SSR1: variants seen among roughly 807,000 people sequenced by gnomAD.
SSR1 encodes the protein signal sequence receptor subunit 1.
SSR1 carries 13 observed loss-of-function variants against 36.1 expected under a neutral mutation model. That is an observed-to-expected ratio of 0.36 (90% CI 0.23 to 0.57). SSR1 has a LOEUF of 0.57. Among genes scored for constraint, SSR1 ranks in the 20% least tolerant of loss-of-function variants. The pLI is 0.81. For synonymous variants in SSR1, 113 were observed against 118.9 expected, an observed-to-expected ratio of 0.95 and a Z score of 0.32; for missense variants, 291 against 338.5, an observed-to-expected ratio of 0.86 and a Z score of 1.10.
chr6:7,307,801 C>G (rs57672943), intron 2 of SSR1, among the ~76,000 whole-genome samples: 1 of 152,188 alleles, frequency 6.6e-6, no homozygotes, highest in African/African-American at 2.4e-5. Context: ...GCTGGGATTA[C>G]AGGCGTGCCT....
chr6:7,281,360 C>G lies in SSR1; in HGVS notation c.*8504G>C, dbSNP rs561071020. On this transcript the variant is annotated 3_prime_UTR_variant, in exon 8 of 8. Transcript: ENST00000244763. ...AGAATTTTAAGGATTCATGACCCCA[C>G]TTTCATTAAATAGTCCCAGAAGATA... The G allele has an allele frequency of 4.6e-5, 7 of 152,346 alleles. No homozygotes were observed. The highest frequency in any genetic ancestry group is 3.3e-4 in the Admixed American group (5 of 15,302). 9.4% of individuals were successfully genotyped at this position (152,346 alleles called of 1,614,324 possible). A position where few individuals can be genotyped will look rare whatever the true frequency, so the allele number is the denominator to read the frequency against.
chr6:7,304,654 CA>C (rs1758011596), intron 2 of SSR1, among the ~76,000 whole-genome samples: 2 of 152,164 alleles, frequency 1.3e-5, no homozygotes, highest in African/African-American at 2.4e-5. Flanking sequence ...TGTATCTCAA[CA>C]AATTTTTTTA....
rs1467015735 is a variant in SSR1, at chr6:7,288,503, T to G, written c.*1361A>C. 6.6e-6 allele frequency: 1 copy of G among 152,610 alleles called. No homozygotes were observed. The allele number at this position is 152,610 out of a possible 1,614,324, so 9.5% of individuals were successfully genotyped here. On this transcript the variant is annotated 3_prime_UTR_variant, in exon 8 of 8. Transcript: ENST00000244763. ...TTTCTGTGTGTATTTCGTTTTGTTT[T>G]TTTGTCTGTGTGGGCATGAGCATAG...
chr6:7,289,956 G>C, intron 7 of SSR1, 25 bp from the exon 8 acceptor site: 1 of 1,525,406 alleles, frequency 6.6e-7, no homozygotes. Flanking sequence ...AAAGTTTTAA[G>C]CTTGCCTATT....
At chr6:7,292,064 G>A (rs1467856338) in intron 7 of SSR1, among the ~76,000 whole-genome samples, 2 of 151,998 alleles carry the variant, frequency 1.3e-5, no homozygotes, top group Non-Finnish European at 2.9e-5. Context: ...GTGAGATCCT[G>A]TCTCAAAAGA....
chr6:7,291,000 T>G lies in SSR1; in HGVS notation c.794-1069A>C, dbSNP rs559399355. 3.9e-4 allele frequency among the ~76,000 whole-genome samples: 59 copies of G among 152,112 alleles called. 1 individual carries two copies. Among genetic ancestry groups the G allele is most frequent in the African/African-American group, 1.4e-3 (57 of 41,510 alleles). On this transcript the variant is annotated intron_variant, in intron 7 of 7. Coordinates refer to ENST00000244763, the MANE Select transcript of SSR1 (RefSeq NM_003144.5). ...CCTGGGTTTAAGCGATTTTCGTGCC[T>G]CAGCCTCCCAAGTAGCTGGGATTAC... is the stretch of plus-strand genomic sequence containing the variant.
Position 7,284,076 on chromosome 6 carries a change from G to A in SSR1, c.*5788C>T, listed in dbSNP as rs1757492479. On this transcript the variant is annotated 3_prime_UTR_variant, in exon 8 of 8. Coordinates refer to ENST00000244763, the MANE Select transcript of SSR1 (RefSeq NM_003144.5). ...TTTCTGAAATGCCTCTAGGCCTTAA[G>A]CGCCTATTTCTATAAATGTTGGGTG... 3 of 152,180 alleles carry A rather than the reference G, an allele frequency of 2.0e-5. No individual in the cohort carries two copies. Among genetic ancestry groups the A allele is most frequent in the Admixed American group, 2.0e-4 (3 of 15,276 alleles). The allele number at this position is 152,180 out of a possible 1,614,324, so 9.4% of individuals were successfully genotyped here. A position where few individuals can be genotyped will look rare whatever the true frequency, so the allele number is the denominator to read the frequency against.
Position 7,289,556 on chromosome 6 carries a change from T to G in SSR1, c.*308A>C. The G allele has an allele frequency of 3.0e-6, 1 of 335,440 alleles. No homozygotes were observed. The highest frequency in any genetic ancestry group is 5.4e-6 in the Non-Finnish European group (1 of 186,104). 20.8% of individuals were successfully genotyped at this position (335,440 alleles called of 1,614,324 possible). ...GTCAAAAAGGAAGAGACAACAGCAT[T>G]ATATTTAGTATTCTAAAGACTTGTT... On this transcript the variant is annotated 3_prime_UTR_variant, in exon 8 of 8. Transcript: ENST00000244763.
chr6:7,298,613 A>G (rs1757854851), intron 5 of SSR1, 134 bp downstream of exon 5: 2 of 616,966 alleles, frequency 3.2e-6, no homozygotes, highest in Non-Finnish European at 5.7e-6. Flanking sequence ...GTATGAATGA[A>G]TATCGTAAGG....
At chr6:7,310,600 C>A (rs1245471417) in intron 1 of SSR1, among the ~76,000 whole-genome samples, 1 of 152,150 alleles carries the variant, frequency 6.6e-6, no homozygotes, top group Non-Finnish European at 1.5e-5. Context: ...AACTAAACAA[C>A]CCCCACGTTT....
rs745962640 is a variant in SSR1, at chr6:7,298,616, T to C, written c.620+131A>G. 65 of 625,304 alleles carry C rather than the reference T, an allele frequency of 1.0e-4. No homozygotes were observed. In the African/African-American group the frequency reaches 1.1e-3, roughly 10 times the overall value. The allele number at this position is 625,304 out of a possible 1,614,324, so 38.7% of individuals were successfully genotyped here. A position where few individuals can be genotyped will look rare whatever the true frequency, so the allele number is the denominator to read the frequency against. ...GAATCATCTGAAGTATGAATGAATATCGTAAGGATTTCACCAAATCTATAC... is the reference window on the plus strand; with the variant it reads ...GAATCATCTGAAGTATGAATGAATACCGTAAGGATTTCACCAAATCTATAC... On this transcript the variant is annotated intron_variant, in intron 5 of 7. Coordinates refer to ENST00000244763, the MANE Select transcript of SSR1 (RefSeq NM_003144.5).
At chr6:7,300,112 A>T (rs1757901082) in intron 4 of SSR1, among the ~76,000 whole-genome samples, 2 of 152,230 alleles carry the variant, frequency 1.3e-5, no homozygotes, top group Non-Finnish European at 2.9e-5. Context: ...TATAGAGTTA[A>T]GTAATAACTG....
intron 7 of SSR1, among the ~76,000 whole-genome samples, chr6:7,292,802 C>T (rs560618514): frequency 6.1e-4 from 93 of 152,308 alleles, no homozygotes; most frequent in African/African-American, 2.1e-3. Context: ...CTCACCCAAC[C>T]TTTCAAGACT....
chr6:7,305,638 G>A (rs9502595), intron 2 of SSR1, among the ~76,000 whole-genome samples: 1,978 of 152,338 alleles, frequency 0.013, 42 homozygotes, highest in African/African-American at 0.045. Flanking sequence ...AATTCCGCAG[G>A]AAGAGATGAA....
chr6:7,296,006 A>G (rs1757786639), intron 6 of SSR1, among the ~76,000 whole-genome samples: 1 of 152,368 alleles, frequency 6.6e-6, no homozygotes, highest in African/African-American at 2.4e-5. Context: ...AATTCAGGAT[A>G]ACTGCTGATA....
intron 6 of SSR1, among the ~76,000 whole-genome samples, chr6:7,296,507 C>A (rs1179171529): frequency 1.6e-4 from 25 of 152,024 alleles, no homozygotes; most frequent in Non-Finnish European, 4.4e-5. Context: ...GATTTGACTG[C>A]CTGACTAAAG....
In SSR1 at chr6:7,289,216, C is replaced by G. The variant is rs970204296; in HGVS notation, c.*648G>C. ...ATTAGGTTTCATATATTAAAGTCAG[C>G]AGAAATTTCATGTTTCACAATTTGT... On this transcript the variant is annotated 3_prime_UTR_variant, in exon 8 of 8. Transcript: ENST00000244763. 1 of 152,210 alleles carries G rather than the reference C, an allele frequency of 6.6e-6. No homozygotes were observed. Among genetic ancestry groups the G allele is most frequent in the Admixed American group, 6.5e-5 (1 of 15,280 alleles). 9.4% of individuals were successfully genotyped at this position (152,210 alleles called of 1,614,324 possible).
At chr6:7,302,360 C>G (rs1022512787) in intron 3 of SSR1, among the ~76,000 whole-genome samples, 1 of 152,218 alleles carries the variant, frequency 6.6e-6, no homozygotes, top group African/African-American at 2.4e-5. Flanking sequence ...CTCCAAACTT[C>G]AGTTCGACAA....
At position 7,309,938 on chromosome 6, in the gene SSR1, T is replaced by G. The variant is rs1758152362; in HGVS notation, c.171A>C (p.Glu57Asp). 6.2e-7 allele frequency: 1 copy of G among 1,613,772 alleles called. No individual in the cohort carries two copies. The highest frequency in any genetic ancestry group is 2.2e-5 in the East Asian group (1 of 44,856). The change falls in exon 2 of 8, where the codon GAA becomes GAC. Residue 57 changes from glutamate to aspartate, a missense_variant. Transcript: ENST00000244763. Reference protein sequence around the residue: ...IEDEDDEAEVEEDEPTDLVED... With the variant: ...IEDEDDEAEVDEDEPTDLVED... ...TAACCAAATCTGTGGGTTCATCTTCTTCTACCTCGGCTTCATCATCTTCAT... is the reference window on the plus strand; with the variant it reads ...TAACCAAATCTGTGGGTTCATCTTCGTCTACCTCGGCTTCATCATCTTCAT...
Sources: allele counts gnomAD v4.1 joint callset (sites outside exome capture counted in the v4.1 genomes callset), GRCh38; gene constraint gnomAD v4.1.1; transcripts MANE v1.5; gene names NCBI Gene and HGNC (gene_info 2026-07-23, HGNC 2026-07-21).